PTPRD: variants seen among roughly 807,000 people sequenced by gnomAD.
PTPRD encodes receptor-type tyrosine-protein phosphatase delta.
In PTPRD, 34 loss-of-function variants were observed where a neutral mutation model predicts 214.5. The ratio of observed to expected loss-of-function variants is 0.16; its 90% confidence interval spans 0.12 to 0.21. PTPRD has a LOEUF of 0.21. Ranked by LOEUF, PTPRD falls within the 10% of genes least tolerant of loss-of-function variation. The pLI is 1.00. For missense variants in PTPRD, 2,545 were observed against 2,398.7 expected, an observed-to-expected ratio of 1.06 and a Z score of -1.27; for synonymous variants, 1,128 against 845.7, an observed-to-expected ratio of 1.33 and a Z score of -5.79.
intron 5 of PTPRD, among the ~76,000 whole-genome samples, chr9:9,822,759 A>G (rs1007674210): frequency 6.6e-6 from 1 of 152,056 alleles, no homozygotes; most frequent in African/African-American, 2.4e-5. Flanking sequence ...GCTCCAAAAT[A>G]TGCAATTTTT....
At chr9:8,767,573 C>G (rs532521813) in intron 11 of PTPRD, among the ~76,000 whole-genome samples, 1 of 152,116 alleles carries the variant, frequency 6.6e-6, no homozygotes, top group Admixed American at 6.5e-5. Context: ...GTGCACCATA[C>G]GTTGAGTCAT....
chr9:9,725,363 C>T (rs757715278), intron 7 of PTPRD, among the ~76,000 whole-genome samples: 18 of 151,704 alleles, frequency 1.2e-4, no homozygotes, highest in African/African-American at 2.9e-4. Context: ...ATAACTCACT[C>T]CTCCTTGCCT....
At chr9:9,024,156 T>C (rs2099578928) in intron 10 of PTPRD, among the ~76,000 whole-genome samples, 1 of 151,794 alleles carries the variant, frequency 6.6e-6, no homozygotes, top group Admixed American at 6.6e-5. Context: ...CATTAATATA[T>C]ATTTTATAAG....
At chr9:9,832,726 A>G (rs1179514932) in intron 5 of PTPRD, among the ~76,000 whole-genome samples, 1 of 151,980 alleles carries the variant, frequency 6.6e-6, no homozygotes, top group Non-Finnish European at 1.5e-5. Context: ...AGTGGAACAT[A>G]ACCTCTCTGG....
chr9:10,171,441 T>C (rs1413057953), intron 3 of PTPRD, among the ~76,000 whole-genome samples: 1 of 152,192 alleles, frequency 6.6e-6, no homozygotes, highest in East Asian at 1.9e-4. Flanking sequence ...CCTTCTGACA[T>C]GATTTGAGGC....
intron 7 of PTPRD, among the ~76,000 whole-genome samples, chr9:9,703,619 A>G (rs977785344): frequency 3.9e-5 from 6 of 152,132 alleles, no homozygotes; most frequent in Non-Finnish European, 8.8e-5. Context: ...ATATTATTAT[A>G]TACATTTATG....
intron 11 of PTPRD, among the ~76,000 whole-genome samples, chr9:8,832,408 A>ATT (rs1555402610): frequency 7.9e-5 from 5 of 62,930 alleles, no homozygotes; most frequent in African/African-American, 3.1e-4. Context: ...AGCTAAAATC[A>ATT]TCTTTTTTTT....
intron 3 of PTPRD, among the ~76,000 whole-genome samples, chr9:10,136,297 C>T (rs3906095): frequency 0.24 from 36,887 of 151,910 alleles, 4,732 homozygotes; most frequent in South Asian, 0.39. Context: ...GGGACTTCAA[C>T]GTTCCACTAA....
At chr9:8,611,134 T>C (rs751378204) in intron 14 of PTPRD, among the ~76,000 whole-genome samples, 35 of 152,236 alleles carry the variant, frequency 2.3e-4, no homozygotes, top group Non-Finnish European at 4.4e-4. Context: ...TGTAATTCCT[T>C]ACTTTTCACA....
chr9:9,015,469 G>T (rs1375601321), intron 11 of PTPRD, among the ~76,000 whole-genome samples: 1 of 152,164 alleles, frequency 6.6e-6, no homozygotes. Context: ...TGTCTGAAAA[G>T]GGGAGGCATG....
chr9:10,411,282 T>C (rs899148753), intron 2 of PTPRD, among the ~76,000 whole-genome samples: 3 of 151,872 alleles, frequency 2.0e-5, no homozygotes, highest in Admixed American at 6.6e-5. Flanking sequence ...ATACTACTAC[T>C]TGGCAACCAA....
At chr9:8,475,265 C>T (rs1199511992) in intron 30 of PTPRD, among the ~76,000 whole-genome samples, 2 of 152,138 alleles carry the variant, frequency 1.3e-5, no homozygotes, top group South Asian at 4.1e-4. Flanking sequence ...TCCTTCTTGC[C>T]CTCTTAGCAG....
chr9:8,615,820 C>G (rs193027710), intron 14 of PTPRD, among the ~76,000 whole-genome samples: 1 of 151,978 alleles, frequency 6.6e-6, no homozygotes, highest in East Asian at 1.9e-4. Context: ...ATTTCCGTCC[C>G]TTTCTTGCAT....
chr9:9,550,470 T>C (rs1039280567), intron 8 of PTPRD, among the ~76,000 whole-genome samples: 5 of 148,302 alleles, frequency 3.4e-5, no homozygotes, highest in African/African-American at 1.2e-4. Flanking sequence ...TAGTATATTA[T>C]GCACTATATA....
At chr9:9,996,960 T>C (rs75799737) in intron 4 of PTPRD, among the ~76,000 whole-genome samples, 2,275 of 152,292 alleles carry the variant, frequency 0.015, 53 homozygotes, top group African/African-American at 0.051. Flanking sequence ...CCAGGAAGTA[T>C]GGCCTGTATA....
intron 10 of PTPRD, among the ~76,000 whole-genome samples, chr9:9,181,819 A>C (rs2131439749): frequency 6.6e-6 from 1 of 152,202 alleles, no homozygotes; most frequent in South Asian, 2.1e-4. Flanking sequence ...ATCAGACAGA[A>C]ATAGAACTAA....
chr9:8,511,431 ATT>A (rs33920439), intron 21 of PTPRD, among the ~76,000 whole-genome samples: 1 of 146,906 alleles, frequency 6.8e-6, no homozygotes, highest in Non-Finnish European at 1.5e-5. Context: ...TCTCACTGGT[ATT>A]TTTTTTTTTA....
chr9:8,712,911 G>A (rs186100567), intron 12 of PTPRD, among the ~76,000 whole-genome samples: 1 of 152,014 alleles, frequency 6.6e-6, no homozygotes, highest in Non-Finnish European at 1.5e-5. Context: ...TAGAGACGGG[G>A]TTTCACCATG....
intron 8 of PTPRD, among the ~76,000 whole-genome samples, chr9:9,492,205 C>T (rs1017671383): frequency 6.7e-6 from 1 of 149,610 alleles, no homozygotes; most frequent in African/African-American, 2.5e-5. Flanking sequence ...AGAACAGGAA[C>T]ATATGAATAG....
Sources: gnomAD v4.1 joint callset for allele counts (sites outside exome capture counted in the v4.1 genomes callset) on GRCh38, gnomAD v4.1.1 for gene constraint, MANE v1.5 for transcripts, NCBI Gene and HGNC (gene_info 2026-07-23, HGNC 2026-07-21) for gene names.